DMTN: variants seen among roughly 807,000 people sequenced by gnomAD.
The protein encoded by DMTN is dematin.
A neutral mutation model predicts 59.4 loss-of-function variants in DMTN; 27 were observed. The observed-to-expected ratio is 0.45, with a 90% confidence interval of 0.33 to 0.63. The LOEUF (loss-of-function observed/expected upper bound fraction) is 0.63, where lower values mean the gene tolerates loss of function less well. Ranked by LOEUF, DMTN falls within the 20% of genes least tolerant of loss-of-function variation. The pLI, the probability that DMTN is intolerant of heterozygous loss-of-function variation, is 0.02. For missense variants in DMTN, 451 were observed against 528.9 expected, an observed-to-expected ratio of 0.85 and a Z score of 1.45; for synonymous variants, 221 against 203.7, an observed-to-expected ratio of 1.08 and a Z score of -0.72.
rs1586285397 is a variant in DMTN at position 22,082,463 on chromosome 8, G to A, written c.*1000G>A. On this transcript the variant is annotated 3_prime_UTR_variant, in exon 16 of 16. Transcript: ENST00000358242. ...AGACCCTGACATCCCTTTCCACTGTGTGTGTGACCATGCTGGGGGAGGGGG... is the reference window on the plus strand; with the variant it reads ...AGACCCTGACATCCCTTTCCACTGTATGTGTGACCATGCTGGGGGAGGGGG... 1.2e-5 allele frequency: 4 copies of A among 322,764 alleles called. No homozygotes were observed. Among genetic ancestry groups the A allele is most frequent in the South Asian group, 1.1e-4 (4 of 38,046 alleles). The allele number at this position is 322,764 out of a possible 1,614,324, so 20.0% of individuals were successfully genotyped here. A position where few individuals can be genotyped will look rare whatever the true frequency, so the allele number is the denominator to read the frequency against.
intron 1 of DMTN, among the ~76,000 whole-genome samples, chr8:22,062,205 C>T (rs1242458946): frequency 3.3e-5 from 5 of 152,168 alleles, no homozygotes; most frequent in African/African-American, 1.2e-4. Flanking sequence ...ATCCTCCTGC[C>T]TCAGCCTCCA....
chr8:22,080,582 G>GA, intron 12 of DMTN, 36 bp from the exon 13 acceptor site: 1 of 1,612,288 alleles, frequency 6.2e-7, no homozygotes, highest in South Asian at 1.1e-5. Flanking sequence ...GCTGACCTCA[G>GA]AGCTGCATCT....
chr8:22,061,303 A>G (rs922142615), intron 1 of DMTN, among the ~76,000 whole-genome samples: 1 of 151,256 alleles, frequency 6.6e-6, no homozygotes, highest in Non-Finnish European at 1.5e-5. Flanking sequence ...AAAAAAAGAA[A>G]GAAAGAAAGA....
At chr8:22,069,680 C>T (rs1048474756) in intron 6 of DMTN, among the ~76,000 whole-genome samples, 162 bp downstream of exon 6, 1 of 152,160 alleles carries the variant, frequency 6.6e-6, no homozygotes, top group African/African-American at 2.4e-5. Flanking sequence ...AGACCTGTCA[C>T]TTTTTCTCTC....
At chr8:22,056,565 G>T (rs187133377), upstream of DMTN, among the ~76,000 whole-genome samples, 157 of 152,224 alleles carry the variant, frequency 1.0e-3, no homozygotes, top group African/African-American at 3.5e-3. Flanking sequence ...GGTGCGTGTG[G>T]GTGTGTGTGT....
chr8:22,081,092 T>TGGGGGGGGGGCGG, intron 14 of DMTN, 21 bp from the exon 15 acceptor site: 2 of 1,547,312 alleles, frequency 1.3e-6, no homozygotes, highest in Non-Finnish European at 1.8e-6. Context: ...AGCCTAAGAT[T>TGGGGGGGGGGCGG]GCCCCTCCCC....
rs1427785387 is a variant in DMTN at position 22,060,308 on chromosome 8, C to T, written c.-172+3172C>T. ...GTGGAGTGAGCTGGCACTTGACCTG[C>T]GAGAAATGAGCTTTGATGGAAAGGG... On this transcript the variant is annotated intron_variant, in intron 1 of 15. Coordinates refer to ENST00000358242, the MANE Select transcript of DMTN (RefSeq NM_001387751.1). The surrounding 1 kb of genome is among the most constrained non-coding windows in gnomAD (Gnocchi z 5.0). 2.0e-5 allele frequency among the ~76,000 whole-genome samples: 3 copies of T among 151,944 alleles called. No homozygotes were observed. The highest frequency in any genetic ancestry group is 3.8e-4 in the East Asian group (2 of 5,198).
At chr8:22,071,475 A>G (rs1034588984) in intron 8 of DMTN, among the ~76,000 whole-genome samples, 1 of 151,746 alleles carries the variant, frequency 6.6e-6, no homozygotes, top group Non-Finnish European at 1.5e-5. Flanking sequence ...GCTCACTGCA[A>G]CTTCTACCAC....
rs1425139027 is a variant in DMTN, at chr8:22,082,285, C to T, written c.*822C>T. The T allele has an allele frequency of 2.2e-6, 1 of 456,666 alleles. No individual in the cohort carries two copies. 28.3% of individuals were successfully genotyped at this position (456,666 alleles called of 1,614,324 possible). On this transcript the variant is annotated 3_prime_UTR_variant, in exon 16 of 16. Coordinates refer to ENST00000358242, the MANE Select transcript of DMTN (RefSeq NM_001387751.1). ...CCCACGCACCCCCCCACACACTATG[C>T]TCTCTCAAGAATGTAATTTATTGGG...
chr8:22,079,277 A>AATAAATATATATATATAT (rs71204534), intron 10 of DMTN, among the ~76,000 whole-genome samples: 5 of 27,678 alleles, frequency 1.8e-4, no homozygotes, highest in Admixed American at 5.8e-4. Flanking sequence ...TAAATAAATA[A>AATAAATATATATATATAT]ATATATATAT....
upstream of DMTN, among the ~76,000 whole-genome samples, chr8:22,054,144 G>C (rs905963376): frequency 1.5e-5 from 2 of 130,360 alleles, no homozygotes; most frequent in African/African-American, 7.7e-5. Context: ...ACACAGCCCA[G>C]ATCCCTGGCA....
In DMTN at chr8:22,060,635, C is replaced by G. The variant is rs1805682485; in HGVS notation, c.-172+3499C>G. On this transcript the variant is annotated intron_variant, in intron 1 of 15. Coordinates refer to ENST00000358242, the MANE Select transcript of DMTN (RefSeq NM_001387751.1). This position sits in a 1 kb window ranked among gnomAD's most constrained non-coding sequence, Gnocchi z 5.0. ...GAAATAATTTATCAACCAACATGCT[C>G]TCTAACAAATGGCAGGGGGTGGCAC... Among the ~76,000 whole-genome samples the G allele has an allele frequency of 6.6e-6, 1 of 152,248 alleles. No individual in the cohort carries two copies.
Position 22,067,435 on chromosome 8 carries a change from T to G in DMTN, c.94-92T>G, listed in dbSNP as rs538701037. ...GTTAACGTCTGCAATGGCGGTCCAT[T>G]TTCTTGGTAATTGACGTAAGTCTAG... On this transcript the variant is annotated intron_variant, in intron 3 of 15. Transcript: ENST00000358242. 148 of 1,546,062 alleles carry G rather than the reference T, an allele frequency of 9.6e-5. No homozygotes were observed. The African/African-American group carries it at 1.7e-3, about 18-fold the overall frequency.
intron 9 of DMTN, 34 bp downstream of exon 9, chr8:22,072,484 TG>T (rs1423813778): frequency 1.3e-6 from 2 of 1,529,208 alleles, no homozygotes; most frequent in Non-Finnish European, 1.8e-6. Context: ...TCCACCCCTG[TG>T]CAGGAGTCTC....
intron 3 of DMTN, among the ~76,000 whole-genome samples, 178 bp from the exon 4 acceptor site, chr8:22,067,349 G>A (rs894978079): frequency 3.3e-5 from 5 of 152,202 alleles, no homozygotes; most frequent in Admixed American, 3.3e-4. Context: ...TCGTTAATCC[G>A]AAGTGCTAGG....
chr8:22,076,471 G>A (rs1819859696), intron 10 of DMTN, among the ~76,000 whole-genome samples: 1 of 151,978 alleles, frequency 6.6e-6, no homozygotes, highest in African/African-American at 2.4e-5. Context: ...TGGGAGTGGT[G>A]GCATGTGCCT....
rs200254529 is a variant in DMTN at position 22,081,454 on chromosome 8, T to C, written c.1209T>C (p.Ser403=). ...GGAATGAGCTCAAGAAGAAGGCCTC[T>C]CTCTTCTGATGGCCCCCACCTGCTC... The part of the protein sequence containing the change: ...WKRNELKKKA[S]LF Residue 403 remains serine, a synonymous_variant, in exon 16 of 16, where the codon TCT becomes TCC. Coordinates refer to ENST00000358242, the MANE Select transcript of DMTN (RefSeq NM_001387751.1). 141 of 1,613,762 alleles carry C rather than the reference T, an allele frequency of 8.7e-5. No individual in the cohort carries two copies. Among genetic ancestry groups the C allele is most frequent in the Non-Finnish European group, 1.2e-4 (138 of 1,179,674 alleles).
At position 22,067,510 on chromosome 8, in the gene DMTN, C is replaced by T. The variant is rs1811751077; in HGVS notation, c.94-17C>T. On this transcript the variant is annotated splice_polypyrimidine_tract_variant and intron_variant, in intron 3 of 15. Transcript: ENST00000358242. ...GGGCTTTCGGCACAGCAGTTTCACG[C>T]GCACCTTTCCCTTCAGGCCAAGATG... The T allele has an allele frequency of 5.6e-6, 9 of 1,613,750 alleles. No homozygotes were observed. Among genetic ancestry groups the T allele is most frequent in the South Asian group, 4.4e-5 (4 of 91,072 alleles).
At chr8:22,055,582 T>G (rs1224465565), upstream of DMTN, 2 of 148,956 alleles carry the variant, frequency 1.3e-5, no homozygotes, top group African/African-American at 5.0e-5. Context: ...ATCACTCTCC[T>G]GGCCTTTTTC....
Sources: allele counts gnomAD v4.1 joint callset (sites outside exome capture counted in the v4.1 genomes callset), GRCh38; gene constraint gnomAD v4.1.1; non-coding constraint Gnocchi (gnomAD v3.1); transcripts MANE v1.5; gene names NCBI Gene and HGNC (gene_info 2026-07-23, HGNC 2026-07-21).